The following AHCYL2 variants were observed in gnomAD, a reference collection of about 807,000 sequenced individuals.
AHCYL2 encodes the protein adenosylhomocysteinase like 2, also known as S-adenosylhomocysteine hydrolase-like protein 2.
In AHCYL2, 28 loss-of-function variants were observed where a neutral mutation model predicts 81.4. The observed-to-expected ratio is 0.34, with a 90% confidence interval of 0.25 to 0.47. The LOEUF is 0.47. Ranked by LOEUF, AHCYL2 falls within the 20% of genes least tolerant of loss-of-function variation. The pLI, the probability that AHCYL2 is intolerant of heterozygous loss-of-function variation, is 1.00. For synonymous variants in AHCYL2, 272 were observed against 290.2 expected (o/e 0.94, Z 0.64); for missense variants, 551 against 785.1 (o/e 0.70, Z 3.56).
chr7:129,388,913 G>A (rs902221046), intron 2 of AHCYL2, 143 bp from the exon 3 acceptor site: 29 of 793,646 alleles, frequency 3.7e-5, no homozygotes, highest in Non-Finnish European at 5.6e-5. Context: ...CTTCTGGCAT[G>A]TGTATAGCCT....
intron 1 of AHCYL2, among the ~76,000 whole-genome samples, chr7:129,261,023 T>C (rs1424981442): frequency 6.6e-6 from 1 of 152,074 alleles, no homozygotes; most frequent in Non-Finnish European, 1.5e-5. Context: ...CTCCTGACCT[T>C]AAGTGATCTG....
chr7:129,301,748 G>A (rs1414907898), intron 1 of AHCYL2, among the ~76,000 whole-genome samples: 1 of 152,170 alleles, frequency 6.6e-6, no homozygotes, highest in Non-Finnish European at 1.5e-5. Context: ...GTACCATGCT[G>A]TTTTGGTTAC....
chr7:129,299,462 C>T (rs1360307362), intron 1 of AHCYL2, among the ~76,000 whole-genome samples: 2 of 140,178 alleles, frequency 1.4e-5, no homozygotes, highest in South Asian at 2.3e-4. Flanking sequence ...GGCGCGATCT[C>T]GGCTCACTGC....
intron 4 of AHCYL2, among the ~76,000 whole-genome samples, chr7:129,396,291 T>A (rs1231162586): frequency 1.3e-5 from 2 of 150,894 alleles, no homozygotes; most frequent in Non-Finnish European, 3.0e-5. Flanking sequence ...CCCGGCTAAT[T>A]TTTTTTTGTA....
In AHCYL2 at chr7:129,425,062, G is replaced by T. The variant is rs1797298747; in HGVS notation, c.1630-1G>T. On this transcript the variant is annotated splice_acceptor_variant, in intron 14 of 16. Coordinates refer to ENST00000325006, the MANE Select transcript of AHCYL2 (RefSeq NM_015328.4). LOFTEE classifies it high-confidence loss of function. ...CAGCATCCATCTCTCTGCTTTTCTA[G>T]GCTCTTGCCTTGATAGAGCTTTACA... The T allele has an allele frequency of 1.9e-6, 3 of 1,613,796 alleles. No individual in the cohort carries two copies. The African/African-American group carries it at 4.0e-5, about 22-fold the overall frequency.
At chr7:129,293,707 A>G (rs764842314) in intron 1 of AHCYL2, among the ~76,000 whole-genome samples, 60 of 152,190 alleles carry the variant, frequency 3.9e-4, no homozygotes, top group Non-Finnish European at 7.2e-4. Flanking sequence ...TCAAACAAAA[A>G]TGATAAAAAT....
At chr7:129,332,609 G>A (rs1798459256) in intron 1 of AHCYL2, among the ~76,000 whole-genome samples, 1 of 152,198 alleles carries the variant, frequency 6.6e-6, no homozygotes, top group African/African-American at 2.4e-5. Flanking sequence ...GTCTCTTTGA[G>A]CTTTTCACTA....
At chr7:129,375,507 A>G (rs1794635966) in intron 1 of AHCYL2, 1 of 608,554 alleles carries the variant, frequency 1.6e-6, no homozygotes, top group Non-Finnish European at 2.1e-6. Context: ...TGCAGTGGTT[A>G]TATAAATAAG....
intron 1 of AHCYL2, among the ~76,000 whole-genome samples, chr7:129,358,411 AAC>A (rs1232812021): frequency 5.3e-5 from 8 of 152,138 alleles, no homozygotes; most frequent in Admixed American, 1.3e-4. Flanking sequence ...CAAAAAAAAA[AAC>A]AAAAAGGAAT....
intron 1 of AHCYL2, among the ~76,000 whole-genome samples, chr7:129,259,183 A>G (rs1195410543): frequency 6.6e-6 from 1 of 152,144 alleles, no homozygotes; most frequent in East Asian, 1.9e-4. Flanking sequence ...TCTGATAAAC[A>G]AAGAAGGCCA....
chr7:129,330,139 G>A (rs1385364251), intron 1 of AHCYL2, among the ~76,000 whole-genome samples: 1 of 152,164 alleles, frequency 6.6e-6, no homozygotes, highest in African/African-American at 2.4e-5. Context: ...GAGTAGCTGG[G>A]ACTACAGGAA....
At chr7:129,332,580 T>TG (rs1798458260) in intron 1 of AHCYL2, among the ~76,000 whole-genome samples, 1 of 152,204 alleles carries the variant, frequency 6.6e-6, no homozygotes, top group African/African-American at 2.4e-5. Flanking sequence ...TACCACACAG[T>TG]GAGCAATTCC....
intron 5 of AHCYL2, 48 bp downstream of exon 5, chr7:129,397,372 G>A: frequency 6.5e-7 from 1 of 1,535,238 alleles, no homozygotes; most frequent in Non-Finnish European, 8.9e-7. Context: ...TCTATTTGGA[G>A]ACTTACTTTA....
chr7:129,406,361 C>T lies in AHCYL2; in HGVS notation c.1207-17C>T. 9 of 1,610,934 alleles carry T rather than the reference C, an allele frequency of 5.6e-6. No individual in the cohort carries two copies. The highest frequency in any genetic ancestry group is 7.6e-6 in the Non-Finnish European group (9 of 1,177,326). On this transcript the variant is annotated splice_polypyrimidine_tract_variant and intron_variant, in intron 9 of 16. Transcript: ENST00000325006. The surrounding 1 kb of genome is among the most constrained non-coding windows in gnomAD (Gnocchi z 4.3). ...TCAGTGACTTTCCTTAATATGTGTG[C>T]TCTCTCCCCTCTTCAGGTGGGGAAA...
intron 13 of AHCYL2, among the ~76,000 whole-genome samples, chr7:129,423,404 A>C (rs1470719819): frequency 6.6e-6 from 1 of 152,216 alleles, no homozygotes; most frequent in Non-Finnish European, 1.5e-5. Flanking sequence ...CCAGATGAGT[A>C]GTAGGTACCT....
intron 11 of AHCYL2, among the ~76,000 whole-genome samples, chr7:129,413,117 C>T (rs1796670919): frequency 6.6e-6 from 1 of 150,532 alleles, no homozygotes; most frequent in African/African-American, 2.4e-5. Context: ...GCTGGGATAA[C>T]AGGCATGAGT....
intron 1 of AHCYL2, among the ~76,000 whole-genome samples, chr7:129,244,459 G>GA (rs1232991087): frequency 2.6e-5 from 4 of 152,094 alleles, no homozygotes; most frequent in Non-Finnish European, 5.9e-5. Context: ...TATAAACAAT[G>GA]GAACTTGCTT....
Position 129,427,092 on chromosome 7 carries a change from C to G in AHCYL2, c.*47C>G, listed in dbSNP as rs1490470558. The G allele has an allele frequency of 1.3e-6, 2 of 1,553,632 alleles. No homozygotes were observed. Among genetic ancestry groups the G allele is most frequent in the Non-Finnish European group, 1.8e-6 (2 of 1,125,906 alleles). ...ATTTTTAAGGAATAGAACTCCAAGC[C>G]TTTTCTCCACTACTATACAAGAAAG... On this transcript the variant is annotated 3_prime_UTR_variant, in exon 17 of 17. Transcript: ENST00000325006. The surrounding 1 kb of genome is among the most constrained non-coding windows in gnomAD (Gnocchi z 5.5).
At chr7:129,319,656 C>A (rs1355996353) in intron 1 of AHCYL2, among the ~76,000 whole-genome samples, 2 of 152,176 alleles carry the variant, frequency 1.3e-5, no homozygotes. Context: ...GATTTGTTTG[C>A]ATTTTCTAGA....
Sources: allele counts gnomAD v4.1 joint callset (sites outside exome capture counted in the v4.1 genomes callset), GRCh38; gene constraint gnomAD v4.1.1; non-coding constraint Gnocchi (gnomAD v3.1); transcripts MANE v1.5; gene names NCBI Gene and HGNC (gene_info 2026-07-23, HGNC 2026-07-21).